HAT1: variants seen among roughly 807,000 people sequenced by gnomAD.
The protein encoded by HAT1 is histone acetyltransferase type B catalytic subunit.
Under a neutral mutation model 56.6 loss-of-function variants are expected in HAT1, and 20 were observed. The observed-to-expected ratio is 0.35, with a 90% CI of 0.25 to 0.51. The LOEUF is 0.51. Ranked by LOEUF, HAT1 falls within the 20% of genes least tolerant of loss-of-function variation. The pLI, the probability that HAT1 is intolerant of heterozygous loss-of-function variation, is 0.95. For missense variants in HAT1, 408 were observed against 504.3 expected (o/e 0.81, Z 1.83); for synonymous variants, 146 against 165.5 (o/e 0.88, Z 0.91).
intron 9 of HAT1, among the ~76,000 whole-genome samples, chr2:171,977,540 TA>T (rs1688008321): frequency 6.7e-5 from 1 of 14,996 alleles, no homozygotes; most frequent in Admixed American, 1.0e-3. Context: ...TATATATATA[TA>T]TATATATATA....
chr2:171,965,592 A>T (rs1339732823), intron 5 of HAT1, 75 bp downstream of exon 5: 1 of 1,078,452 alleles, frequency 9.3e-7, no homozygotes, highest in African/African-American at 1.6e-5. Flanking sequence ...GTTGTCAGTG[A>T]TTTATTCTAA....
chr2:171,980,275 TTC>T (rs1361145581), intron 10 of HAT1: 10 of 152,128 alleles, frequency 6.6e-5, no homozygotes, highest in African/African-American at 1.7e-4. Context: ...TATATATATA[TTC>T]TCTTTTTTCT....
intron 1 of HAT1, among the ~76,000 whole-genome samples, chr2:171,925,226 C>T (rs890389131): frequency 6.6e-6 from 1 of 152,048 alleles, no homozygotes; most frequent in African/African-American, 2.4e-5. Flanking sequence ...GCGCCCGTCA[C>T]CGTGCCCGGC....
intron 3 of HAT1, among the ~76,000 whole-genome samples, chr2:171,948,768 T>A (rs1056516445): frequency 6.6e-6 from 1 of 152,242 alleles, no homozygotes; most frequent in Non-Finnish European, 1.5e-5. Context: ...TTAATTTGAT[T>A]GGTTTATTTG....
chr2:171,928,070 A>G (rs1033139770), intron 2 of HAT1, among the ~76,000 whole-genome samples: 4 of 151,990 alleles, frequency 2.6e-5, no homozygotes, highest in African/African-American at 7.3e-5. Flanking sequence ...TATTTTTAGT[A>G]GAGACGGTTT....
At chr2:171,971,246 G>C (rs534664509) in intron 8 of HAT1, among the ~76,000 whole-genome samples, 6 of 152,190 alleles carry the variant, frequency 3.9e-5, no homozygotes, top group Non-Finnish European at 8.8e-5. Flanking sequence ...TTGCTTAAGC[G>C]TTTGTCTCTA....
At position 171,935,200 on chromosome 2, in the gene HAT1, G is replaced by C. The variant is rs182438653; in HGVS notation, c.112+9559G>C. Among the ~76,000 whole-genome samples, 313 of 152,058 alleles carry C rather than the reference G, an allele frequency of 2.1e-3. 2 individuals carry two copies. Among genetic ancestry groups the C allele is most frequent in the Admixed American group, 5.6e-3 (85 of 15,272 alleles). ...AAACGAGGATATGAAGTAGAAGAGG[G>C]ACAGTGAAATTATGTTCAAATCAAT... On this transcript the variant is annotated intron_variant, in intron 2 of 10. Transcript: ENST00000264108.
intron 4 of HAT1, among the ~76,000 whole-genome samples, chr2:171,957,787 T>C (rs945758559): frequency 1.3e-5 from 2 of 152,210 alleles, no homozygotes; most frequent in Admixed American, 6.5e-5. Flanking sequence ...CTAAATCATA[T>C]TTATAAAATT....
chr2:171,928,485 G>C (rs1399607510), intron 2 of HAT1, among the ~76,000 whole-genome samples: 1 of 152,114 alleles, frequency 6.6e-6, no homozygotes, highest in East Asian at 1.9e-4. Context: ...TATGTTGTCT[G>C]TACCAGTAGT....
intron 3 of HAT1, among the ~76,000 whole-genome samples, chr2:171,951,621 C>T (rs926973034): frequency 1.5e-5 from 2 of 137,734 alleles, no homozygotes; most frequent in African/African-American, 2.7e-5. Context: ...TTAGTAGAAA[C>T]GTGGTTTCAC....
intron 3 of HAT1, among the ~76,000 whole-genome samples, chr2:171,948,937 C>A (rs1392040148): frequency 6.6e-6 from 1 of 152,134 alleles, no homozygotes; most frequent in Admixed American, 6.6e-5. Context: ...GGTTTTTCCA[C>A]TATAAAGTTA....
intron 2 of HAT1, among the ~76,000 whole-genome samples, chr2:171,926,320 T>C (rs1686591959): frequency 6.6e-6 from 1 of 151,856 alleles, no homozygotes; most frequent in Admixed American, 6.6e-5. Context: ...TGAGACGGAG[T>C]TTCACTCTTG....
intron 8 of HAT1, among the ~76,000 whole-genome samples, chr2:171,973,820 G>A (rs1425037363): frequency 6.6e-6 from 1 of 152,090 alleles, no homozygotes; most frequent in African/African-American, 2.4e-5. Context: ...AAAATCCCTG[G>A]TGCTAGATAT....
chr2:171,928,172 A>G (rs894189573), intron 2 of HAT1, among the ~76,000 whole-genome samples: 2 of 152,208 alleles, frequency 1.3e-5, no homozygotes, highest in African/African-American at 2.4e-5. Flanking sequence ...GGCATGAGCC[A>G]CCACCCCCAG....
intron 2 of HAT1, among the ~76,000 whole-genome samples, chr2:171,944,625 C>T (rs1328834703): frequency 6.6e-6 from 1 of 152,128 alleles, no homozygotes; most frequent in Non-Finnish European, 1.5e-5. Context: ...GTCCTAGAGC[C>T]AGTCTCTTGA....
Position 171,983,368 on chromosome 2 carries a change from G to A in HAT1, c.*16G>A, listed in dbSNP as rs1558983807. On this transcript the variant is annotated 3_prime_UTR_variant, in exon 11 of 11. Coordinates refer to ENST00000264108, the MANE Select transcript of HAT1 (RefSeq NM_003642.4). Reference sequence around the variant, plus strand: ...TCAAGAGTAAAGATTATACTGCTCTGTACAGGAAGCTTGCAAATTTTCTGT... The same window carrying A: ...TCAAGAGTAAAGATTATACTGCTCTATACAGGAAGCTTGCAAATTTTCTGT... The A allele has an allele frequency of 1.4e-6, 2 of 1,434,542 alleles. No individual in the cohort carries two copies. Among genetic ancestry groups the A allele is most frequent in the Non-Finnish European group, 1.9e-6 (2 of 1,071,308 alleles). The allele number at this position is 1,434,542 out of a possible 1,614,324, so 88.9% of individuals were successfully genotyped here.
rs1405280324 is a variant in HAT1, at chr2:171,925,424, G to T, written c.8-113G>T. 3 of 597,732 alleles carry T rather than the reference G, an allele frequency of 5.0e-6. No individual in the cohort carries two copies. In the Admixed American group the frequency reaches 8.9e-5, roughly 18 times the overall value. 37.0% of individuals were successfully genotyped at this position (597,732 alleles called of 1,614,324 possible). On this transcript the variant is annotated intron_variant, in intron 1 of 10. Transcript: ENST00000264108. ...TGTGGAGAATGACTTGTGCTTTTAT[G>T]ATCTATCAGCATGTTTTAAATCATA...
In HAT1 at chr2:171,946,767, C is replaced by A. The variant is rs1281642701; in HGVS notation, c.172C>A (p.Gln58Lys). 8 of 1,532,872 alleles carry A rather than the reference C, an allele frequency of 5.2e-6. No homozygotes were observed. Among genetic ancestry groups the A allele is most frequent in the Non-Finnish European group, 7.2e-6 (8 of 1,116,286 alleles). 95.0% of individuals were successfully genotyped at this position (1,532,872 alleles called of 1,614,324 possible). Residue 58 changes from glutamine to lysine, a missense_variant, in exon 3 of 11, where the codon CAA (glutamine) becomes AAA (lysine). Coordinates refer to ENST00000264108, the MANE Select transcript of HAT1 (RefSeq NM_003642.4). ...IRTFFPEYTH[Q>K]LFGDDETAFG... ...AACTTTCTTTCCTGAGTATACCCATCAACTCTTTGGGGATGAGTAAGTAAC... is the reference window on the plus strand; with the variant it reads ...AACTTTCTTTCCTGAGTATACCCATAAACTCTTTGGGGATGAGTAAGTAAC...
chr2:171,962,513 G>A (rs922582659), intron 4 of HAT1, among the ~76,000 whole-genome samples: 3 of 152,108 alleles, frequency 2.0e-5, no homozygotes, highest in African/African-American at 7.2e-5. Flanking sequence ...TCCTGCCTCA[G>A]CCTCCCAAGT....
Sources: gnomAD v4.1 joint callset for allele counts (sites outside exome capture counted in the v4.1 genomes callset) on GRCh38, gnomAD v4.1.1 for gene constraint, MANE v1.5 for transcripts, NCBI Gene and HGNC (gene_info 2026-07-23, HGNC 2026-07-21) for gene names.